Variants in PRDM5 observed in about 807,000 individuals in gnomAD.
The protein encoded by PRDM5 is PR domain zinc finger protein 5.
PRDM5 carries 56 observed loss-of-function variants against 81.2 expected under a neutral mutation model. The ratio of observed to expected loss-of-function variants is 0.69; its 90% CI spans 0.56 to 0.86. PRDM5 has a LOEUF of 0.86. Among genes scored for constraint, PRDM5 ranks in the 40% least tolerant of loss-of-function variants. The pLI, the probability that PRDM5 is intolerant of heterozygous loss-of-function variation, is 0.00. For missense variants in PRDM5, 697 were observed against 770.1 expected (o/e 0.91, Z 1.12); for synonymous variants, 267 against 256.4 (o/e 1.04, Z -0.39).
chr4:120,737,382 A>G (rs1324123176), intron 14 of PRDM5, among the ~76,000 whole-genome samples: 1 of 152,198 alleles, frequency 6.6e-6, no homozygotes, highest in African/African-American at 2.4e-5. Flanking sequence ...ACTGAAGAAG[A>G]CAACCACAGC....
rs559003965 is a variant in PRDM5, at chr4:120,721,646, T to C, written c.1624-11233A>G. On this transcript the variant is annotated intron_variant, in intron 14 of 15. Transcript: ENST00000264808. ...GTTTTCCCATTAAGTTGTTAAGCAA[T>C]GCTGCAAATTTGCTATGGTTATTCT... 3.3e-5 allele frequency among the ~76,000 whole-genome samples: 5 copies of C among 152,340 alleles called. No individual in the cohort carries two copies. The South Asian group carries it at 1.0e-3, about 32-fold the overall frequency.
intron 3 of PRDM5, among the ~76,000 whole-genome samples, chr4:120,830,669 A>T (rs1419240656): frequency 6.6e-6 from 1 of 152,110 alleles, no homozygotes; most frequent in Non-Finnish European, 1.5e-5. Flanking sequence ...AAAACAAAGA[A>T]CAGGGCAGGA....
At position 120,826,132 on chromosome 4, in the gene PRDM5, A is replaced by G. The variant is rs771845822; in HGVS notation, c.301-4787T>C. Reference sequence around the variant, plus strand: ...TCATATTCCCAGAGACGACTCCAACAGCTTACCAAGTGAACTCCCATCATC... The same window carrying G: ...TCATATTCCCAGAGACGACTCCAACGGCTTACCAAGTGAACTCCCATCATC... On this transcript the variant is annotated intron_variant, in intron 3 of 15. Transcript: ENST00000264808. Among the ~76,000 whole-genome samples the G allele has an allele frequency of 5.9e-5, 9 of 152,224 alleles. 1 individual carries two copies. Among genetic ancestry groups the G allele is most frequent in the African/African-American group, 1.9e-4 (8 of 41,530 alleles).
At position 120,798,359 on chromosome 4, in the gene PRDM5, G is replaced by C; in HGVS notation, c.1096C>G (p.His366Asp). 3 of 1,613,302 alleles carry C rather than the reference G, an allele frequency of 1.9e-6. No homozygotes were observed. The highest frequency in any genetic ancestry group is 2.5e-6 in the Non-Finnish European group (3 of 1,179,540). Residue 366 changes from histidine to aspartate, a missense_variant, in exon 10 of 16, where the codon CAC becomes GAC. Transcript: ENST00000264808. ...SFKRLDQVGA[H>D]KVIHSEDKPY... Reference sequence around the variant, plus strand: ...TTGTCTTCGCTGTGTATTACTTTGTGAGCACCCACTTGATCAAGCCTCTTG... The same window carrying C: ...TTGTCTTCGCTGTGTATTACTTTGTCAGCACCCACTTGATCAAGCCTCTTG...
chr4:120,723,602 TAAGG>T lies in PRDM5; in HGVS notation c.1624-13193_1624-13190del, dbSNP rs541009136. Among the ~76,000 whole-genome samples, 38 of 152,022 alleles carry T rather than the reference TAAGG, an allele frequency of 2.5e-4. 2 individuals carry two copies. In the South Asian group the frequency reaches 7.7e-3, roughly 31 times the overall value. On this transcript the variant is annotated intron_variant, in intron 14 of 15. Transcript: ENST00000264808. ...ATCAATGCAAATTGTAAAGAAAATA[TAAGG>T]AAGTACAAATGAAAGAGAAAGAAAT...
At chr4:120,781,090 C>T in intron 12 of PRDM5, 53 bp downstream of exon 12, 3 of 1,467,932 alleles carry the variant, frequency 2.0e-6, no homozygotes, top group South Asian at 1.1e-5. Context: ...ACATATATAC[C>T]CATACTGCTT....
At chr4:120,906,265 G>A (rs982856482) in intron 2 of PRDM5, among the ~76,000 whole-genome samples, 8 of 152,070 alleles carry the variant, frequency 5.3e-5, no homozygotes, top group African/African-American at 1.9e-4. Context: ...CACTGTGCCT[G>A]GCTTGTATAG....
chr4:120,765,375 C>T (rs929177998), intron 13 of PRDM5, among the ~76,000 whole-genome samples: 5 of 152,216 alleles, frequency 3.3e-5, no homozygotes, highest in African/African-American at 1.2e-4. Flanking sequence ...GCTTTAAAAA[C>T]CCAAAAGCAG....
At chr4:120,690,349 G>A (rs1393559627), downstream of PRDM5, among the ~76,000 whole-genome samples, 1 of 152,026 alleles carries the variant, frequency 6.6e-6, no homozygotes, top group Non-Finnish European at 1.5e-5. Flanking sequence ...TCTTTGAGAA[G>A]GGCCTCCAAT....
intron 3 of PRDM5, among the ~76,000 whole-genome samples, chr4:120,828,801 A>T (rs148273945): frequency 6.6e-6 from 1 of 152,106 alleles, no homozygotes; most frequent in South Asian, 2.1e-4. Context: ...AGTTCCTTAT[A>T]TGTGGTATAT....
At chr4:120,840,358 C>T (rs1208820179) in intron 3 of PRDM5, among the ~76,000 whole-genome samples, 2 of 152,138 alleles carry the variant, frequency 1.3e-5, no homozygotes, top group South Asian at 2.1e-4. Flanking sequence ...GGATCACGGG[C>T]CCCAGGCCCA....
chr4:120,800,029 A>G (rs893359723), intron 8 of PRDM5, among the ~76,000 whole-genome samples: 1 of 152,256 alleles, frequency 6.6e-6, no homozygotes, highest in Non-Finnish European at 1.5e-5. Context: ...GTAAAAAATT[A>G]CACCTAATAT....
chr4:120,684,860 CATTAAT>C (rs932629604), downstream of PRDM5: 18 of 151,722 alleles, frequency 1.2e-4, no homozygotes, highest in Admixed American at 5.9e-4. Flanking sequence ...TTGAATATTA[CATTAAT>C]ATTATTTTTC....
chr4:120,881,841 C>T (rs1400139896), intron 2 of PRDM5, among the ~76,000 whole-genome samples: 3 of 152,176 alleles, frequency 2.0e-5, no homozygotes, highest in Admixed American at 2.0e-4. Flanking sequence ...ATTCTATTGT[C>T]TAATGTTCAC....
intron 7 of PRDM5, 140 bp downstream of exon 7, chr4:120,816,313 A>T (rs1468378527): frequency 7.2e-7 from 1 of 1,389,004 alleles, no homozygotes; most frequent in Non-Finnish European, 1.0e-6. Context: ...GAAAGAAAAA[A>T]ATCCACTGCC....
At chr4:120,725,604 T>G (rs1384378543) in intron 14 of PRDM5, among the ~76,000 whole-genome samples, 1 of 152,120 alleles carries the variant, frequency 6.6e-6, no homozygotes, top group Non-Finnish European at 1.5e-5. Flanking sequence ...TGATGAACCA[T>G]CCCTTTTTGC....
intron 2 of PRDM5, among the ~76,000 whole-genome samples, chr4:120,902,020 C>G (rs1020722985): frequency 1.3e-5 from 2 of 152,238 alleles, no homozygotes; most frequent in Admixed American, 6.5e-5. Flanking sequence ...AATGACTCCA[C>G]TGGAAATATA....
intron 13 of PRDM5, among the ~76,000 whole-genome samples, chr4:120,774,679 G>A (rs561770532): frequency 2.1e-4 from 32 of 152,116 alleles, no homozygotes; most frequent in Admixed American, 1.0e-3. Context: ...CAGCCACACT[G>A]CTAGACAGTG....
intron 3 of PRDM5, among the ~76,000 whole-genome samples, chr4:120,850,747 T>C (rs988818101): frequency 6.6e-6 from 1 of 152,166 alleles, no homozygotes; most frequent in Non-Finnish European, 1.5e-5. Context: ...GTTAAGTCAT[T>C]AATAATTTCT....
Sources: gnomAD v4.1 joint callset for allele counts (sites outside exome capture counted in the v4.1 genomes callset) on GRCh38, gnomAD v4.1.1 for gene constraint, MANE v1.5 for transcripts, NCBI Gene and HGNC (gene_info 2026-07-23, HGNC 2026-07-21) for gene names.